Variants in DCC observed in about 807,000 individuals in gnomAD.
The protein encoded by DCC is DCC netrin 1 receptor, also known as netrin receptor DCC.
A neutral mutation model predicts 172.5 loss-of-function variants in DCC; 58 were observed. That is an observed-to-expected ratio of 0.34 (90% CI 0.27 to 0.42). The LOEUF is 0.42. Among genes scored for constraint, DCC ranks in the 10% least tolerant of loss-of-function variants. The pLI is 1.00. For synonymous variants in DCC, 709 were observed against 644.5 expected (o/e 1.10, Z -1.52); for missense variants, 1,740 against 1,791.0 (o/e 0.97, Z 0.51).
rs1350754408 is a variant in DCC, at chr18:53,107,535, A to AT, written c.1261+41369_1261+41370insT. On this transcript the variant is annotated intron_variant, in intron 7 of 28. Coordinates refer to ENST00000442544, the MANE Select transcript of DCC (RefSeq NM_005215.4). ...AAACTTTGATCCAAAAAAAAAAAAAAGGAAGGAAAAAAAAAAAAAGAGGAA... is the reference window on the plus strand; with the variant it reads ...AAACTTTGATCCAAAAAAAAAAAAAATGGAAGGAAAAAAAAAAAAAGAGGAA... Among the ~76,000 whole-genome samples, 938 of 95,564 alleles carry AT rather than the reference A, an allele frequency of 9.8e-3. 13 individuals are homozygous for AT. The highest frequency in any genetic ancestry group is 0.054 in the African/African-American group (880 of 16,338). 62.7% of individuals were successfully genotyped at this position (95,564 alleles called of 152,430 possible). A position where few individuals can be genotyped will look rare whatever the true frequency, so the allele number is the denominator to read the frequency against.
intron 1 of DCC, among the ~76,000 whole-genome samples, chr18:52,687,706 A>C (rs1269779905): frequency 6.6e-6 from 1 of 152,178 alleles, no homozygotes; most frequent in Non-Finnish European, 1.5e-5. Flanking sequence ...AGCAAGTTTT[A>C]AAACTCAAAG....
In DCC at chr18:52,578,733, G is replaced by A. The variant is rs573804498; in HGVS notation, c.92-173321G>A. ...AACAAAATTAGAGGCTGGGCACGGT[G>A]GCTCATGCCTGTAATCCCAGACTTT... On this transcript the variant is annotated intron_variant, in intron 1 of 28. Coordinates refer to ENST00000442544, the MANE Select transcript of DCC (RefSeq NM_005215.4). Among the ~76,000 whole-genome samples, 3 of 152,318 alleles carry A rather than the reference G, an allele frequency of 2.0e-5. No individual in the cohort carries two copies. In the South Asian group the frequency reaches 6.2e-4, roughly 32 times the overall value.
intron 1 of DCC, among the ~76,000 whole-genome samples, chr18:52,655,814 T>G (rs1322062811): frequency 6.6e-6 from 1 of 151,852 alleles, no homozygotes; most frequent in East Asian, 1.9e-4. Context: ...ACAAATTTCT[T>G]CAAGAGGTTA....
At chr18:52,935,627 A>G (rs562536890) in intron 5 of DCC, among the ~76,000 whole-genome samples, 12 of 152,070 alleles carry the variant, frequency 7.9e-5, no homozygotes, top group African/African-American at 2.9e-4. Context: ...TTTTTTGAGC[A>G]TGTATTATTG....
intron 1 of DCC, among the ~76,000 whole-genome samples, chr18:52,446,291 G>T (rs186814607): frequency 6.6e-6 from 1 of 152,088 alleles, no homozygotes; most frequent in Non-Finnish European, 1.5e-5. Context: ...TTTTAACCTC[G>T]ATTAATAAGG....
chr18:53,039,468 C>G (rs540128390), intron 5 of DCC, among the ~76,000 whole-genome samples: 7 of 152,002 alleles, frequency 4.6e-5, no homozygotes, highest in Non-Finnish European at 1.0e-4. Flanking sequence ...GTTGTACTTT[C>G]GTAGCCAACT....
intron 5 of DCC, among the ~76,000 whole-genome samples, chr18:52,961,318 A>G (rs141056768): frequency 0.012 from 1,810 of 152,258 alleles, 26 homozygotes; most frequent in African/African-American, 0.04. Flanking sequence ...AATAAAATGC[A>G]TAGGACATTG....
At chr18:53,060,265 C>T (rs962764113) in intron 5 of DCC, among the ~76,000 whole-genome samples, 14 of 152,124 alleles carry the variant, frequency 9.2e-5, no homozygotes, top group African/African-American at 3.4e-4. Flanking sequence ...AACTCCTGGC[C>T]TCTAGGGATC....
chr18:52,650,885 T>A (rs866845338), intron 1 of DCC, among the ~76,000 whole-genome samples: 1 of 152,318 alleles, frequency 6.6e-6, no homozygotes, highest in Middle Eastern at 3.4e-3. Flanking sequence ...AAGATATCTC[T>A]TATTCATTCA....
At chr18:52,860,675 A>G (rs566519265) in intron 2 of DCC, among the ~76,000 whole-genome samples, 1 of 152,348 alleles carries the variant, frequency 6.6e-6, no homozygotes, top group African/African-American at 2.4e-5. Flanking sequence ...GTATAGCAAG[A>G]ATAGTGATTG....
intron 1 of DCC, among the ~76,000 whole-genome samples, chr18:52,400,764 A>G (rs1179965159): frequency 4.6e-5 from 7 of 152,132 alleles, no homozygotes; most frequent in Admixed American, 2.0e-4. Context: ...CTATGCAGCC[A>G]TAAAAAGGAT....
At chr18:53,310,846 T>G (rs1192012078) in intron 13 of DCC, among the ~76,000 whole-genome samples, 2 of 152,154 alleles carry the variant, frequency 1.3e-5, no homozygotes, top group African/African-American at 4.8e-5. Flanking sequence ...ACATAAGAAT[T>G]ACAAAGCTTG....
intron 2 of DCC, among the ~76,000 whole-genome samples, chr18:52,878,146 T>G (rs542214429): frequency 6.6e-6 from 1 of 152,300 alleles, no homozygotes; most frequent in African/African-American, 2.4e-5. Flanking sequence ...TCAGGCCATG[T>G]AAACCAAACT....
chr18:52,678,497 A>G (rs1188111291), intron 1 of DCC, among the ~76,000 whole-genome samples: 1 of 152,172 alleles, frequency 6.6e-6, no homozygotes, highest in Non-Finnish European at 1.5e-5. Flanking sequence ...AACAATGAAA[A>G]GAGAACTCTA....
intron 16 of DCC, among the ~76,000 whole-genome samples, chr18:53,387,537 T>C (rs1054028525): frequency 6.6e-6 from 1 of 152,204 alleles, no homozygotes; most frequent in Non-Finnish European, 1.5e-5. Flanking sequence ...CCAGAGAATA[T>C]TTACTATCAA....
intron 1 of DCC, among the ~76,000 whole-genome samples, chr18:52,396,358 A>C (rs1986231063): frequency 6.6e-6 from 1 of 150,476 alleles, no homozygotes; most frequent in African/African-American, 2.4e-5. Flanking sequence ...TAAAAAAATC[A>C]ACAATTTGAG....
chr18:52,404,027 C>G (rs912327352), intron 1 of DCC, among the ~76,000 whole-genome samples: 19 of 151,996 alleles, frequency 1.3e-4, no homozygotes, highest in African/African-American at 4.1e-4. Context: ...TCTGGAAAAA[C>G]AAAAGTATAT....
chr18:52,431,332 T>C (rs906129315), intron 1 of DCC, among the ~76,000 whole-genome samples: 4 of 151,858 alleles, frequency 2.6e-5, no homozygotes, highest in African/African-American at 4.8e-5. Context: ...GAAGAGAACA[T>C]TTAGAAAAAA....
chr18:52,711,419 A>G (rs1013080249), intron 1 of DCC, among the ~76,000 whole-genome samples: 2 of 152,152 alleles, frequency 1.3e-5, no homozygotes, highest in Non-Finnish European at 2.9e-5. Flanking sequence ...TTTCACTGCT[A>G]TATGCTCAAT....
Sources: allele counts gnomAD v4.1 joint callset (sites outside exome capture counted in the v4.1 genomes callset), GRCh38; gene constraint gnomAD v4.1.1; transcripts MANE v1.5; gene names NCBI Gene and HGNC (gene_info 2026-07-23, HGNC 2026-07-21).